HS6ST2: variants seen among roughly 807,000 people sequenced by gnomAD.
HS6ST2 encodes heparan-sulfate 6-O-sulfotransferase 2.
A neutral mutation model predicts 33.0 loss-of-function variants in HS6ST2; 17 were observed. That is an observed-to-expected ratio of 0.52 (90% CI 0.35 to 0.77). HS6ST2 has a LOEUF of 0.77. Among genes scored for constraint, HS6ST2 ranks in the 30% least tolerant of loss-of-function variants. The probability of loss-of-function intolerance (pLI) is 0.01; values close to 1 mark genes in which losing one functional copy is unlikely to be tolerated. For missense variants in HS6ST2, 519 were observed against 551.7 expected (o/e 0.94, Z 0.59); for synonymous variants, 248 against 237.1 (o/e 1.05, Z -0.42).
At chrX:132,882,761 A>T (rs2066192376) in intron 2 of HS6ST2, among the ~76,000 whole-genome samples, 1 of 110,791 alleles carries the variant, frequency 9.0e-6, no homozygotes, top group South Asian at 3.9e-4. Context: ...TGGCTGTGGG[A>T]TTGTCATAAA....
chrX:132,651,538 C>G (rs1240189497), intron 4 of HS6ST2, among the ~76,000 whole-genome samples: 1 of 112,108 alleles, frequency 8.9e-6, no homozygotes, highest in African/African-American at 3.2e-5. Flanking sequence ...ATCTCAAATC[C>G]TTTGTGGAAG....
chrX:132,895,360 GA>G (rs2066363766), intron 2 of HS6ST2, among the ~76,000 whole-genome samples: 1 of 111,114 alleles, frequency 9.0e-6, no homozygotes, highest in African/African-American at 3.3e-5. Context: ...CTCAATAAAC[GA>G]AAAATATTTT....
At chrX:132,781,012 A>G (rs2065013025) in intron 2 of HS6ST2, among the ~76,000 whole-genome samples, 1 of 111,981 alleles carries the variant, frequency 8.9e-6, no homozygotes, top group Non-Finnish European at 1.9e-5. Context: ...GGCACATGCT[A>G]TTGTGGACTG....
intron 2 of HS6ST2, among the ~76,000 whole-genome samples, chrX:132,724,786 T>C (rs2064376388): frequency 1.8e-5 from 2 of 111,867 alleles, no homozygotes; most frequent in Non-Finnish European, 3.8e-5. Context: ...CAAAACAGCA[T>C]GGCACTGGCA....
At chrX:132,934,427 G>A (rs2066804421) in intron 2 of HS6ST2, among the ~76,000 whole-genome samples, 1 of 111,935 alleles carries the variant, frequency 8.9e-6, no homozygotes. Context: ...ACAATGTGCT[G>A]CTGAGTTTGT....
intron 2 of HS6ST2, among the ~76,000 whole-genome samples, chrX:132,912,802 C>G (rs746657088): frequency 8.0e-5 from 9 of 111,918 alleles, no homozygotes; most frequent in East Asian, 2.8e-4. Context: ...AAACCATAGA[C>G]AGTTTAAAGC....
intron 2 of HS6ST2, among the ~76,000 whole-genome samples, chrX:132,859,649 G>A (rs1273009983): frequency 1.4e-5 from 1 of 72,743 alleles, no homozygotes; most frequent in African/African-American, 5.8e-5. Context: ...AGGAAGGAGG[G>A]AAGGAAGGAA....
Position 132,957,106 on chromosome X carries a change from G to T in HS6ST2, c.649C>A (p.Arg217Ser), listed in dbSNP as rs2067085687. ...RYNFTRGDLL[R>S]KVDFDIKGDD... ...CCCTTGATGTCGAAGTCTACCTTGC[G>T]CAGGAGGTCGCCGCGGGTGAAATTG... Residue 217 changes from arginine (R) to serine (S), a missense_variant, in exon 2 of 5, where the codon CGC (arginine) becomes AGC (serine). Arg to Ser is a moderately radical substitution (Grantham distance 110). Transcript: ENST00000370833. The T allele has an allele frequency of 8.3e-7, 1 of 1,210,030 alleles. No homozygotes were observed. Among genetic ancestry groups the T allele is most frequent in the South Asian group, 1.8e-5 (1 of 56,796 alleles).
intron 2 of HS6ST2, among the ~76,000 whole-genome samples, chrX:132,915,523 A>G (rs1458144288): frequency 9.0e-6 from 1 of 111,320 alleles, no homozygotes; most frequent in Non-Finnish European, 1.9e-5. Context: ...CATGATCTTG[A>G]GCCAATTGCT....
intron 2 of HS6ST2, among the ~76,000 whole-genome samples, chrX:132,812,409 A>AATAATAACAATAATAATG (rs2065355818): frequency 1.6e-5 from 1 of 61,756 alleles, no homozygotes; most frequent in Non-Finnish European, 3.2e-5. Flanking sequence ...TGTCTCAAAT[A>AATAATAACAATAATAATG]ATAATAATAA....
intron 2 of HS6ST2, among the ~76,000 whole-genome samples, chrX:132,798,606 T>C (rs1338634771): frequency 2.7e-5 from 3 of 112,169 alleles, no homozygotes; most frequent in African/African-American, 6.5e-5. Flanking sequence ...ATATAGTTAG[T>C]TATTTTAAAG....
chrX:132,863,837 T>C (rs747082150), intron 2 of HS6ST2, among the ~76,000 whole-genome samples: 4 of 111,502 alleles, frequency 3.6e-5, no homozygotes, highest in Admixed American at 1.9e-4. Flanking sequence ...AAAATATCCA[T>C]CAGTATGCAG....
At chrX:132,915,013 A>G (rs752045395) in intron 2 of HS6ST2, among the ~76,000 whole-genome samples, 1 of 112,644 alleles carries the variant, frequency 8.9e-6, no homozygotes, top group South Asian at 3.7e-4. Context: ...GTCAAGAAGC[A>G]GCCAAGTGAA....
At chrX:132,855,014 T>C (rs1252540572) in intron 2 of HS6ST2, among the ~76,000 whole-genome samples, 1 of 112,368 alleles carries the variant, frequency 8.9e-6, no homozygotes, top group Non-Finnish European at 1.9e-5. Flanking sequence ...CTGTGCTTAA[T>C]GTACTTTGCT....
rs1276610973 is a variant in HS6ST2, at chrX:132,957,245, T to C, written c.510A>G (p.Gln170=). ...MLFLFAVIVL[Q]YVCPGTECQL... ...GGCATTCTGTGCCGGGGCACACGTA[T>C]TGGAGGACGATCACGGCAAATAGGA... The change falls in exon 2 of 5, where the codon CAA becomes CAG. Residue 170 remains glutamine, a synonymous_variant. Coordinates refer to ENST00000370833, the MANE Select transcript of HS6ST2 (RefSeq NM_001394073.1). 8 of 1,197,738 alleles carry C rather than the reference T, an allele frequency of 6.7e-6. No homozygotes were observed. In the Admixed American group the frequency reaches 8.9e-5, roughly 13 times the overall value.
intron 2 of HS6ST2, among the ~76,000 whole-genome samples, chrX:132,713,898 C>T (rs2064252586): frequency 9.0e-6 from 1 of 111,037 alleles, no homozygotes; most frequent in Non-Finnish European, 1.9e-5. Flanking sequence ...CATCTCAAGA[C>T]TTCAGAGCCT....
At position 132,628,469 on chromosome X, in the gene HS6ST2, C is replaced by A. The variant is rs755385990; in HGVS notation, c.1692G>T (p.Arg564Ser). 41 of 1,208,505 alleles carry A rather than the reference C, an allele frequency of 3.4e-5. No individual in the cohort carries two copies. The East Asian group carries it at 1.1e-3, about 33-fold the overall frequency. Residue 564 changes from arginine (R) to serine (S), a missense_variant, in exon 5 of 5, where the codon AGG (arginine) becomes AGT (serine). Transcript: ENST00000370833. ...RQEQRKFLKG[R>S]LLQTHFQSQG... ...GGCTCTGGAAATGGGTCTGAAGGAG[C>A]CTTCCCTTCAGAAATTTGCGTTGTT...
intron 2 of HS6ST2, among the ~76,000 whole-genome samples, chrX:132,894,611 A>G (rs187708582): frequency 9.1e-6 from 1 of 110,114 alleles, no homozygotes; most frequent in Non-Finnish European, 1.9e-5. Context: ...ATCTCAGCTC[A>G]CTGCAACCTC....
chrX:132,783,701 C>A (rs1166203570), intron 2 of HS6ST2, among the ~76,000 whole-genome samples: 3 of 111,220 alleles, frequency 2.7e-5, no homozygotes, highest in Non-Finnish European at 5.7e-5. Context: ...CTAGGAACCC[C>A]TCCCTCAGGT....
Sources: allele counts gnomAD v4.1 joint callset (sites outside exome capture counted in the v4.1 genomes callset), GRCh38; gene constraint gnomAD v4.1.1; transcripts MANE v1.5; gene names NCBI Gene and HGNC (gene_info 2026-07-23, HGNC 2026-07-21).